BLOC1S5: variants seen among roughly 807,000 people sequenced by gnomAD.
BLOC1S5 encodes the protein biogenesis of lysosomal organelles complex 1 subunit 5.
A neutral mutation model predicts 24.3 loss-of-function variants in BLOC1S5; 27 were observed. That is an observed-to-expected ratio of 1.11 (90% CI 0.82 to 1.53). The LOEUF is 1.53. BLOC1S5 is among the 40% of genes most tolerant of loss of function. The pLI, the probability that BLOC1S5 is intolerant of heterozygous loss-of-function variation, is 0.00. For synonymous variants in BLOC1S5, 84 were observed against 74.5 expected, an observed-to-expected ratio of 1.13 and a Z score of -0.66; for missense variants, 239 against 229.4, an observed-to-expected ratio of 1.04 and a Z score of -0.27.
chr6:8,042,679 A>G (rs1763735785), intron 2 of BLOC1S5, among the ~76,000 whole-genome samples: 1 of 152,100 alleles, frequency 6.6e-6, no homozygotes, highest in Non-Finnish European at 1.5e-5. Flanking sequence ...CTGTTAGTCT[A>G]TTTTATGTGT....
intron 3 of BLOC1S5, among the ~76,000 whole-genome samples, chr6:8,038,657 T>C (rs1415541636): frequency 1.3e-5 from 2 of 152,196 alleles, no homozygotes; most frequent in Non-Finnish European, 2.9e-5. Flanking sequence ...GCTACTTCTT[T>C]GTATTTTTAG....
At chr6:8,062,713 TA>T (rs983233529) in intron 1 of BLOC1S5, 97 bp from the exon 2 acceptor site, 2 of 778,282 alleles carry the variant, frequency 2.6e-6, no homozygotes, top group Non-Finnish European at 4.1e-6. Context: ...AGATGAAGGT[TA>T]AAATCCAGTT....
chr6:8,031,415 AAGG>A (rs1446657840), intron 3 of BLOC1S5, among the ~76,000 whole-genome samples: 1 of 152,200 alleles, frequency 6.6e-6, no homozygotes, highest in African/African-American at 2.4e-5. Flanking sequence ...GGGCCTAACC[AAGG>A]AGGTGAAAGA....
intron 3 of BLOC1S5, among the ~76,000 whole-genome samples, chr6:8,035,601 T>TA (rs1241214765): frequency 1.3e-5 from 2 of 151,916 alleles, no homozygotes; most frequent in Non-Finnish European, 1.5e-5. Flanking sequence ...TTACATCAAA[T>TA]AAAACAGACT....
At chr6:8,049,867 T>G (rs899737481) in intron 2 of BLOC1S5, among the ~76,000 whole-genome samples, 14 of 151,996 alleles carry the variant, frequency 9.2e-5, no homozygotes, top group Non-Finnish European at 1.9e-4. Flanking sequence ...CAAGCCACTA[T>G]GCCCGACCAA....
rs2057186 is a variant in BLOC1S5, at chr6:8,015,908, C to T, written c.385-80G>A. ...ACGTTATCTCTTGATACTTGGTTACCGTAACAATCAGCTGGTAAGTCACAA... is the reference window on the plus strand; with the variant it reads ...ACGTTATCTCTTGATACTTGGTTACTGTAACAATCAGCTGGTAAGTCACAA... On this transcript the variant is annotated intron_variant, in intron 4 of 4. Transcript: ENST00000397457. 2.9e-4 allele frequency: 375 copies of T among 1,298,444 alleles called. 1 individual carries two copies. The East Asian group carries it at 5.0e-3, about 17-fold the overall frequency. The allele number at this position is 1,298,444 out of a possible 1,614,324, so 80.4% of individuals were successfully genotyped here.
chr6:8,025,794 T>C (rs766881614), intron 4 of BLOC1S5, among the ~76,000 whole-genome samples: 1 of 152,206 alleles, frequency 6.6e-6, no homozygotes, highest in South Asian at 2.1e-4. Flanking sequence ...TTCATTAGTT[T>C]AGAGCAATGA....
chr6:8,064,216 T>G, intron 1 of BLOC1S5, 49 bp downstream of exon 1: 7 of 1,491,690 alleles, frequency 4.7e-6, no homozygotes, highest in Non-Finnish European at 6.3e-6. Flanking sequence ...GCCTGGGAGA[T>G]GAGGCTGTGC....
intron 4 of BLOC1S5, among the ~76,000 whole-genome samples, chr6:8,016,636 G>T (rs1322781133): frequency 6.6e-6 from 1 of 151,968 alleles, no homozygotes; most frequent in African/African-American, 2.4e-5. Context: ...GGAAGCTGAG[G>T]CGGGCAGATC....
At chr6:8,034,633 A>T (rs1314333324) in intron 3 of BLOC1S5, among the ~76,000 whole-genome samples, 3 of 152,168 alleles carry the variant, frequency 2.0e-5, no homozygotes, top group East Asian at 1.9e-4. Context: ...ATAATAATAA[A>T]AAAAGAATTG....
intron 4 of BLOC1S5, among the ~76,000 whole-genome samples, chr6:8,020,618 A>G (rs1484847305): frequency 6.6e-6 from 1 of 152,166 alleles, no homozygotes; most frequent in Non-Finnish European, 1.5e-5. Flanking sequence ...GAGCCCCTAA[A>G]ACTTCTGAGT....
chr6:8,030,912 A>G (rs1763275358), intron 3 of BLOC1S5, among the ~76,000 whole-genome samples: 1 of 151,074 alleles, frequency 6.6e-6, no homozygotes, highest in African/African-American at 2.4e-5. Context: ...AGAAAAGGCA[A>G]CTGACAAAAT....
intron 2 of BLOC1S5, among the ~76,000 whole-genome samples, chr6:8,053,705 T>C: frequency 6.6e-6 from 1 of 152,322 alleles, no homozygotes. Context: ...AATATACCAA[T>C]ATATTGTACA....
Position 8,062,549 on chromosome 6 carries a change from A to G in BLOC1S5, c.180T>C (p.Phe60=). 6.3e-7 allele frequency: 1 copy of G among 1,591,306 alleles called. No homozygotes were observed. Among genetic ancestry groups the G allele is most frequent in the Non-Finnish European group, 8.6e-7 (1 of 1,164,530 alleles). ...AAATACTCACTTCAAATTCTTTTAC[A>G]AAATAACGAGTTTCACCTTGAATAA... The part of the protein sequence containing the change: ...RPVIQGETRY[F]VKEFEEKRGL... The change falls in exon 2 of 5, where the codon TTT becomes TTC. Residue 60 remains phenylalanine, a synonymous_variant. Coordinates refer to ENST00000397457, the MANE Select transcript of BLOC1S5 (RefSeq NM_201280.3).
chr6:8,054,554 A>G (rs1418382238), intron 2 of BLOC1S5, among the ~76,000 whole-genome samples: 10 of 152,210 alleles, frequency 6.6e-5, no homozygotes, highest in Admixed American at 5.9e-4. Context: ...CTGGGGGTCA[A>G]TTTGGCTGGA....
chr6:8,031,142 C>G (rs115715622), intron 3 of BLOC1S5, among the ~76,000 whole-genome samples: 5,952 of 152,104 alleles, frequency 0.039, 370 homozygotes, highest in African/African-American at 0.13. Context: ...AGTCAGACAA[C>G]AGAAAGAAAT....
intron 3 of BLOC1S5, among the ~76,000 whole-genome samples, chr6:8,038,413 G>T (rs994244898): frequency 6.6e-6 from 1 of 152,128 alleles, no homozygotes; most frequent in Non-Finnish European, 1.5e-5. Context: ...AAGTGCCCAA[G>T]ATCACTAATT....
intron 2 of BLOC1S5, among the ~76,000 whole-genome samples, chr6:8,047,529 C>T (rs1198707568): frequency 6.6e-6 from 1 of 152,182 alleles, no homozygotes; most frequent in Non-Finnish European, 1.5e-5. Flanking sequence ...GTTTGAACCA[C>T]AACCTAAACG....
intron 4 of BLOC1S5, 139 bp downstream of exon 4, chr6:8,026,228 C>T (rs1338294884): frequency 3.1e-6 from 2 of 645,632 alleles, no homozygotes; most frequent in Non-Finnish European, 5.3e-6. Context: ...ACCTCCTCAA[C>T]ACATCTTCAA....
Sources: allele counts gnomAD v4.1 joint callset (sites outside exome capture counted in the v4.1 genomes callset), GRCh38; gene constraint gnomAD v4.1.1; transcripts MANE v1.5; gene names NCBI Gene and HGNC (gene_info 2026-07-23, HGNC 2026-07-21).